CNNM2: variants seen among roughly 807,000 people sequenced by gnomAD.
CNNM2 encodes the protein cyclin and CBS domain divalent metal cation transport mediator 2.
CNNM2 carries 12 observed loss-of-function variants against 66.9 expected under a neutral mutation model. The ratio of observed to expected loss-of-function variants is 0.18; its 90% CI spans 0.11 to 0.29. The LOEUF (loss-of-function observed/expected upper bound fraction) is 0.29. Among genes scored for constraint, CNNM2 ranks in the 10% least tolerant of loss-of-function variants. The pLI, the probability that CNNM2 is intolerant of heterozygous loss-of-function variation, is 1.00. For missense variants in CNNM2, 705 were observed against 1,167.7 expected (o/e 0.60, Z 5.77); for synonymous variants, 557 against 501.8 (o/e 1.11, Z -1.47).
intron 1 of CNNM2, among the ~76,000 whole-genome samples, chr10:102,950,645 T>G (rs1266609165): frequency 1.3e-5 from 2 of 151,952 alleles, no homozygotes; most frequent in Admixed American, 1.3e-4. Context: ...TCCCAGCTAC[T>G]CATGACACTG....
chr10:102,937,410 A>G (rs1367004800), intron 1 of CNNM2, among the ~76,000 whole-genome samples: 2 of 152,202 alleles, frequency 1.3e-5, no homozygotes, highest in Non-Finnish European at 2.9e-5. Flanking sequence ...TTGAGTTCCA[A>G]CTAGATCTGT....
chr10:103,059,331 C>T (rs983334577), intron 4 of CNNM2, among the ~76,000 whole-genome samples: 1 of 152,196 alleles, frequency 6.6e-6, no homozygotes, highest in Non-Finnish European at 1.5e-5. Flanking sequence ...GCCTTCCCTT[C>T]CTGGCCTCAG....
chr10:102,955,103 C>T (rs964225465), intron 1 of CNNM2, among the ~76,000 whole-genome samples: 4 of 152,082 alleles, frequency 2.6e-5, no homozygotes, highest in East Asian at 1.9e-4. Flanking sequence ...AAGCTGGAGG[C>T]GTCACACTAC....
At chr10:103,007,298 T>G (rs1323050925) in intron 1 of CNNM2, among the ~76,000 whole-genome samples, 1 of 152,140 alleles carries the variant, frequency 6.6e-6, no homozygotes, top group Non-Finnish European at 1.5e-5. Context: ...ATCAAACTCC[T>G]GATAAGGGTC....
chr10:103,025,583 A>AG (rs778635969), intron 1 of CNNM2, among the ~76,000 whole-genome samples: 2 of 152,214 alleles, frequency 1.3e-5, no homozygotes, highest in African/African-American at 4.8e-5. Context: ...ATTCTTCTGA[A>AG]GTAGGACCCA....
intron 1 of CNNM2, among the ~76,000 whole-genome samples, chr10:103,001,701 A>G (rs1159192940): frequency 6.6e-6 from 1 of 152,158 alleles, no homozygotes; most frequent in Admixed American, 6.6e-5. Context: ...ACCTAAATGT[A>G]CGAACTAAAG....
rs142661594 is a variant in CNNM2 at position 103,029,726 on chromosome 10, C to T, written c.1622-19981C>T. Among the ~76,000 whole-genome samples, 2,516 of 152,164 alleles carry T rather than the reference C, an allele frequency of 0.017. 50 individuals are homozygous for T. The highest frequency in any genetic ancestry group is 0.074 in the East Asian group (384 of 5,156). The stretch of plus-strand genomic sequence containing the variant: ...AAAATACAAAAAAAAATTAGCCAGG[C>T]ATGGCGGCACGTGCCTGTAGTCCCA... On this transcript the variant is annotated intron_variant, in intron 1 of 7. Transcript: ENST00000369878.
chr10:102,936,276 C>G (rs1343802255), intron 1 of CNNM2, among the ~76,000 whole-genome samples: 1 of 152,034 alleles, frequency 6.6e-6, no homozygotes, highest in Non-Finnish European at 1.5e-5. Flanking sequence ...AAAATTAAAA[C>G]TAAAAACAAC....
chr10:103,056,109 T>TA (rs1019986235), intron 3 of CNNM2, among the ~76,000 whole-genome samples: 23 of 148,494 alleles, frequency 1.5e-4, no homozygotes, highest in African/African-American at 2.7e-4. Flanking sequence ...AAATTTAAAT[T>TA]AAAAAAAAAG....
chr10:103,072,926 G>A (rs982438868), intron 6 of CNNM2, among the ~76,000 whole-genome samples: 2 of 152,226 alleles, frequency 1.3e-5, no homozygotes, highest in African/African-American at 4.8e-5. Context: ...TATGTAACAT[G>A]GGGTGTATGG....
At chr10:103,057,288 C>G (rs866534180) in intron 4 of CNNM2, among the ~76,000 whole-genome samples, 6 of 151,848 alleles carry the variant, frequency 4.0e-5, no homozygotes, top group African/African-American at 1.5e-4. Flanking sequence ...GGCAACATGG[C>G]GAGACCACCA....
chr10:103,056,900 A>G lies in CNNM2; in HGVS notation c.2009A>G (p.Lys670Arg). ...CTGAAATATGATGAGAAGAACAAGA[A>G]AGCCCCCGAATACTACCTCTACCAG... ...QELKYDEKNK[K>R]APEYYLYQRN... Residue 670 changes from lysine (K) to arginine (R), a missense_variant, in exon 4 of 8, where the codon AAA (lysine) becomes AGA (arginine). Physicochemically the swap from Lys to Arg is conservative, Grantham distance 26. Coordinates refer to ENST00000369878, the MANE Select transcript of CNNM2 (RefSeq NM_017649.5). The G allele has an allele frequency of 6.2e-7, 1 of 1,613,948 alleles. No homozygotes were observed. The highest frequency in any genetic ancestry group is 8.5e-7 in the Non-Finnish European group (1 of 1,179,868).
intron 1 of CNNM2, among the ~76,000 whole-genome samples, chr10:102,922,247 G>A (rs753556137): frequency 2.0e-5 from 3 of 152,144 alleles, no homozygotes; most frequent in South Asian, 4.1e-4. Context: ...GGAAATTTAA[G>A]CCATGATCTT....
At chr10:103,023,316 C>G (rs1361429487) in intron 1 of CNNM2, among the ~76,000 whole-genome samples, 1 of 152,164 alleles carries the variant, frequency 6.6e-6, no homozygotes, top group African/African-American at 2.4e-5. Flanking sequence ...CTTTGGGTGG[C>G]TGACGGCAGG....
chr10:102,926,407 A>C (rs1236924493), intron 1 of CNNM2, among the ~76,000 whole-genome samples: 1 of 152,198 alleles, frequency 6.6e-6, no homozygotes. Flanking sequence ...ATTACACACT[A>C]TCTTTCCTGA....
At chr10:103,024,667 A>G (rs1162507337) in intron 1 of CNNM2, among the ~76,000 whole-genome samples, 1 of 151,758 alleles carries the variant, frequency 6.6e-6, no homozygotes, top group African/African-American at 2.4e-5. Context: ...TTTAGTAGAG[A>G]TGGGGTTTCA....
intron 1 of CNNM2, among the ~76,000 whole-genome samples, chr10:103,007,674 G>A (rs2064254386): frequency 6.6e-6 from 1 of 152,190 alleles, no homozygotes; most frequent in African/African-American, 2.4e-5. Flanking sequence ...CAGGCAGTCA[G>A]ACCTTATGGT....
intron 1 of CNNM2, among the ~76,000 whole-genome samples, chr10:102,941,334 C>G (rs962888038): frequency 3.3e-5 from 5 of 152,140 alleles, no homozygotes; most frequent in African/African-American, 1.2e-4. Context: ...TCTTAAACAA[C>G]TGGGCTCAAG....
At chr10:103,058,167 G>A (rs1655285400) in intron 4 of CNNM2, among the ~76,000 whole-genome samples, 1 of 152,184 alleles carries the variant, frequency 6.6e-6, no homozygotes. Flanking sequence ...ACTTCTGTTT[G>A]CAAGTTTACT....
Sources: gnomAD v4.1 joint callset for allele counts (sites outside exome capture counted in the v4.1 genomes callset) on GRCh38, gnomAD v4.1.1 for gene constraint, MANE v1.5 for transcripts, NCBI Gene and HGNC (gene_info 2026-07-23, HGNC 2026-07-21) for gene names.